Variants in HEATR5A observed in about 807,000 individuals in gnomAD.
The protein encoded by HEATR5A is HEAT repeat-containing protein 5A.
A neutral mutation model predicts 218.8 loss-of-function variants in HEATR5A; 178 were observed. The observed-to-expected ratio is 0.81, with a 90% CI of 0.72 to 0.92. The LOEUF (loss-of-function observed/expected upper bound fraction) is 0.92. Among genes scored for constraint, HEATR5A ranks in the 40% least tolerant of loss-of-function variants. The pLI, the probability that HEATR5A is intolerant of heterozygous loss-of-function variation, is 0.00. For synonymous variants in HEATR5A, 864 were observed against 871.6 expected, an observed-to-expected ratio of 0.99 and a Z score of 0.15; for missense variants, 2,420 against 2,418.9, an observed-to-expected ratio of 1.00 and a Z score of -0.01.
rs2139271833 is a variant in HEATR5A, at chr14:31,380,524, G to C, written c.1651C>G (p.Leu551Val). 3.7e-6 allele frequency: 6 copies of C among 1,608,866 alleles called. No homozygotes were observed. Among genetic ancestry groups the C allele is most frequent in the Middle Eastern group, 1.7e-4 (1 of 6,060 alleles). Residue 551 changes from leucine (L) to valine (V), a missense_variant, in exon 11 of 36, where the codon CTT becomes GTT. Coordinates refer to ENST00000543095, the MANE Select transcript of HEATR5A (RefSeq NM_015473.4). ...LLCSAAQNSRLSAQRTQAGWL... is the reference protein window; with the variant it reads ...LLCSAAQNSRVSAQRTQAGWL... ...CCAGCTTGTGTGCGCTGAGCTGAAA[G>C]GCGACTGTTTTGAGCAGCAGAACAC...
intron 9 of HEATR5A, among the ~76,000 whole-genome samples, chr14:31,384,443 T>TG (rs1318268896): frequency 8.8e-5 from 13 of 148,068 alleles, no homozygotes; most frequent in Non-Finnish European, 1.5e-4. Context: ...GACCCTGCCT[T>TG]GAAAAAAAAA....
intron 1 of HEATR5A, among the ~76,000 whole-genome samples, chr14:31,418,219 AAAACAAAC>A (rs746021096): frequency 2.0e-5 from 3 of 152,184 alleles, no homozygotes; most frequent in African/African-American, 7.2e-5. Context: ...GATAAAAACA[AAAACAAAC>A]AAACAAACAG....
Position 31,333,304 on chromosome 14 carries a change from A to G in HEATR5A, c.3367+4172T>C, listed in dbSNP as rs1478110999. 2.0e-5 allele frequency among the ~76,000 whole-genome samples: 3 copies of G among 152,052 alleles called. No individual in the cohort carries two copies. The East Asian group carries it at 5.8e-4, about 30-fold the overall frequency. On this transcript the variant is annotated intron_variant, in intron 22 of 35. Transcript: ENST00000543095. ...TGCTCTATCACCCAGGCTGGAGTAC[A>G]GTGGCGTGATCTTGGCTCACTGCAA... is the stretch of plus-strand genomic sequence containing the variant.
intron 11 of HEATR5A, among the ~76,000 whole-genome samples, chr14:31,379,557 G>T (rs191665330): frequency 2.0e-5 from 3 of 152,284 alleles, no homozygotes; most frequent in Admixed American, 2.0e-4. Flanking sequence ...GCCTCAGCCA[G>T]TTGTTTTATA....
At chr14:31,344,672 T>TGATTCTGCTTCATGTC (rs200092495) in intron 20 of HEATR5A, among the ~76,000 whole-genome samples, 1 of 40,842 alleles carries the variant, frequency 2.4e-5, no homozygotes, top group African/African-American at 4.8e-5. Context: ...TTATACCAAA[T>TGATTCTGCTTCATGTC]TTTCATAAAA....
In HEATR5A at chr14:31,416,742, T is replaced by C. The variant is rs117070557; in HGVS notation, c.-75+3730A>G. Among the ~76,000 whole-genome samples the C allele has an allele frequency of 4.7e-4, 71 of 152,276 alleles. No homozygotes were observed. In the East Asian group the frequency reaches 7.9e-3, roughly 17 times the overall value. ...TAAATATGTCTGATTTCTTGTTCAG[T>C]TACACTTCCAATAATATTCTGTCTG... is the stretch of plus-strand genomic sequence containing the variant. On this transcript the variant is annotated intron_variant, in intron 1 of 35. Transcript: ENST00000543095.
At chr14:31,335,109 A>G (rs1162642856) in intron 22 of HEATR5A, among the ~76,000 whole-genome samples, 4 of 152,198 alleles carry the variant, frequency 2.6e-5, no homozygotes, top group African/African-American at 9.6e-5. Flanking sequence ...AGCATCTTTT[A>G]GCAATAAAGA....
At chr14:31,337,198 T>G (rs1476163013) in intron 22 of HEATR5A, among the ~76,000 whole-genome samples, 5 of 152,168 alleles carry the variant, frequency 3.3e-5, no homozygotes, top group Non-Finnish European at 7.3e-5. Context: ...CAGGTAATAC[T>G]CCCAGATTTC....
intron 12 of HEATR5A, among the ~76,000 whole-genome samples, chr14:31,372,899 T>TCTCC (rs1203673025): frequency 2.7e-5 from 4 of 150,524 alleles, no homozygotes; most frequent in Non-Finnish European, 4.4e-5. Flanking sequence ...TCTCTCTCTC[T>TCTCC]CTCCCTCCCT....
At position 31,386,487 on chromosome 14, in the gene HEATR5A, T is replaced by C. The variant is rs1007612766; in HGVS notation, c.1278A>G (p.Gln426=). 1.9e-6 allele frequency: 3 copies of C among 1,613,652 alleles called. No homozygotes were observed. The African/African-American group carries it at 4.0e-5, about 22-fold the overall frequency. ...GATTGTGTATGAGATTTCCAAGTTCTTGTAAAGCACAAACCAGCATATGTT... is the reference window on the plus strand; with the variant it reads ...GATTGTGTATGAGATTTCCAAGTTCCTGTAAAGCACAAACCAGCATATGTT... ...ASQHMLVCAL[Q]ELGNLIHNLG... is the part of the protein sequence containing the mutation. Residue 426 remains glutamine, a synonymous_variant, in exon 9 of 36, where the codon CAA becomes CAG. Transcript: ENST00000543095.
chr14:31,318,090 G>A, intron 26 of HEATR5A, 134 bp downstream of exon 26: 1 of 692,310 alleles, frequency 1.4e-6, no homozygotes, highest in Non-Finnish European at 2.5e-6. Context: ...AAAAGGAAGA[G>A]TAAGTTTAAG....
intron 13 of HEATR5A, 85 bp from the exon 14 acceptor site, chr14:31,364,383 A>G: frequency 1.6e-6 from 1 of 633,246 alleles, no homozygotes; most frequent in Non-Finnish European, 2.7e-6. Flanking sequence ...CTTAACATAT[A>G]AATTAGCTAT....
intron 6 of HEATR5A, among the ~76,000 whole-genome samples, chr14:31,391,716 T>C (rs1231192718): frequency 6.6e-6 from 1 of 152,208 alleles, no homozygotes; most frequent in Non-Finnish European, 1.5e-5. Flanking sequence ...TATAGGTGTG[T>C]ACCATTTCTT....
chr14:31,344,096 T>G, intron 20 of HEATR5A, 31 bp from the exon 21 acceptor site: 13 of 1,339,002 alleles, frequency 9.7e-6, no homozygotes, highest in Non-Finnish European at 1.2e-5. Context: ...CTTTTAATAA[T>G]TGGCCTATAA....
At chr14:31,347,153 G>A (rs959815556) in intron 19 of HEATR5A, among the ~76,000 whole-genome samples, 3 of 152,120 alleles carry the variant, frequency 2.0e-5, no homozygotes, top group Admixed American at 6.6e-5. Flanking sequence ...AGAATGTATC[G>A]TAACACCTGG....
At chr14:31,338,303 A>C (rs1463204994) in intron 21 of HEATR5A, among the ~76,000 whole-genome samples, 4 of 152,240 alleles carry the variant, frequency 2.6e-5, no homozygotes, top group African/African-American at 9.6e-5. Flanking sequence ...TAATATTTTA[A>C]TCAGACAACA....
rs1566743289 is a variant in HEATR5A at position 31,293,626 on chromosome 14, AAAT to A, written c.5834-17_5834-15del. The A allele has an allele frequency of 5.7e-6, 9 of 1,580,614 alleles. No individual in the cohort carries two copies. Among genetic ancestry groups the A allele is most frequent in the East Asian group, 2.2e-5 (1 of 44,684 alleles). ...CCAGCTGAGCGCCTAGAAAGTAAACAAATAATATAAGTTCAGTGACATAAATGT... is the reference window on the plus strand; with the variant it reads ...CCAGCTGAGCGCCTAGAAAGTAAACAAATATAAGTTCAGTGACATAAATGT... On this transcript the variant is annotated splice_polypyrimidine_tract_variant and intron_variant, in intron 35 of 35. Transcript: ENST00000543095.
rs1900707754 is a variant in HEATR5A at position 31,337,540 on chromosome 14, T to C, written c.3303A>G (p.Glu1101=). 1 of 1,576,538 alleles carries C rather than the reference T, an allele frequency of 6.3e-7. No individual in the cohort carries two copies. Among genetic ancestry groups the C allele is most frequent in the Non-Finnish European group, 8.6e-7 (1 of 1,160,462 alleles). ...CAGCATGTTCTGAAACTTCAGCTGCTTCTCTTTGTACAAGCTGACGTAAGC... is the reference window on the plus strand; with the variant it reads ...CAGCATGTTCTGAAACTTCAGCTGCCTCTCTTTGTACAAGCTGACGTAAGC... ...LACLRQLVQR[E]AAEVSEHAVM... is the part of the protein sequence containing the mutation. The change falls in exon 22 of 36, where the codon GAA becomes GAG. Residue 1101 remains glutamate (E), a synonymous_variant. Transcript: ENST00000543095.
intron 28 of HEATR5A, among the ~76,000 whole-genome samples, chr14:31,311,575 C>G (rs1268730658): frequency 6.6e-6 from 1 of 151,606 alleles, no homozygotes; most frequent in African/African-American, 2.4e-5. Context: ...TCACACCCAG[C>G]TTATATTAGT....
Sources: gnomAD v4.1 joint callset for allele counts (sites outside exome capture counted in the v4.1 genomes callset) on GRCh38, gnomAD v4.1.1 for gene constraint, MANE v1.5 for transcripts, NCBI Gene and HGNC (gene_info 2026-07-23, HGNC 2026-07-21) for gene names.